Variants in CAST observed in about 807,000 individuals in gnomAD.
CAST encodes the protein calpastatin.
CAST carries 76 observed loss-of-function variants against 119.6 expected under a neutral mutation model. The observed-to-expected ratio is 0.64, with a 90% CI of 0.53 to 0.77. The LOEUF is 0.77. CAST is among the 30% of genes least tolerant of loss of function. The pLI, the probability that CAST is intolerant of heterozygous loss-of-function variation, is 0.00. For synonymous variants in CAST, 319 were observed against 331.6 expected, an observed-to-expected ratio of 0.96 and a Z score of 0.41; for missense variants, 953 against 946.5, an observed-to-expected ratio of 1.01 and a Z score of -0.09.
chr5:96,453,967 C>A, the CAST span, among the ~76,000 whole-genome samples: 1 of 152,232 alleles, frequency 6.6e-6, no homozygotes, highest in Admixed American at 6.5e-5. Context: ...TACAAGCTGG[C>A]CTTGGTTGGT....
At chr5:96,346,643 A>G in the CAST span, among the ~76,000 whole-genome samples, 1 of 152,172 alleles carries the variant, frequency 6.6e-6, no homozygotes, top group African/African-American at 2.4e-5. Context: ...CCCAAACCTC[A>G]TAATGTATCG....
intron 1 of CAST, among the ~76,000 whole-genome samples, chr5:96,552,700 A>G (rs1746157300): frequency 2.0e-5 from 3 of 152,180 alleles, no homozygotes; most frequent in Admixed American, 1.3e-4. Context: ...AGAATCAAAT[A>G]GACTCATTAA....
the CAST span, among the ~76,000 whole-genome samples, chr5:96,017,597 C>T: frequency 6.6e-6 from 1 of 152,092 alleles, no homozygotes; most frequent in Admixed American, 6.6e-5. Flanking sequence ...CATATAACAA[C>T]TGGTAGTTAT....
the CAST span, among the ~76,000 whole-genome samples, chr5:96,355,359 T>G: frequency 1.3e-5 from 2 of 152,228 alleles, no homozygotes; most frequent in African/African-American, 4.8e-5. Context: ...GGGGATGAAC[T>G]CATCCTTTTT....
At chr5:96,715,185 C>G (rs925235833) in intron 3 of CAST, 3 of 152,190 alleles carry the variant, frequency 2.0e-5, no homozygotes, top group African/African-American at 7.2e-5. Context: ...ACAGCCTACT[C>G]TGCCAAGCTG....
intron 1 of CAST, among the ~76,000 whole-genome samples, chr5:96,627,885 A>G (rs1320010044): frequency 6.6e-6 from 1 of 152,206 alleles, no homozygotes; most frequent in Non-Finnish European, 1.5e-5. Flanking sequence ...ACCTGCCTTT[A>G]TTTGCCATGC....
chr5:96,456,631 C>A, the CAST span, among the ~76,000 whole-genome samples: 1 of 152,224 alleles, frequency 6.6e-6, no homozygotes, highest in African/African-American at 2.4e-5. Context: ...TGAGTGCCTA[C>A]CCTGTACCAG....
At chr5:96,515,294 C>CT in the CAST span, among the ~76,000 whole-genome samples, 2,413 of 40,866 alleles carry the variant, frequency 0.059, 73 homozygotes, top group African/African-American at 0.15. Context: ...CAATATTGTT[C>CT]CCACAATGTT....
chr5:96,441,452 G>C, the CAST span, among the ~76,000 whole-genome samples: 28 of 152,166 alleles, frequency 1.8e-4, no homozygotes, highest in African/African-American at 4.8e-4. Context: ...AAGTGAAGTA[G>C]TTTATCCACG....
chr5:96,213,077 CCA>C, the CAST span, among the ~76,000 whole-genome samples: 1 of 152,060 alleles, frequency 6.6e-6, no homozygotes, highest in Non-Finnish European at 1.5e-5. Flanking sequence ...TATGATCATG[CCA>C]CTGCACTCCA....
At chr5:96,675,467 C>A in intron 1 of CAST, 72 bp from the exon 2 acceptor site, 2 of 1,070,666 alleles carry the variant, frequency 1.9e-6, no homozygotes, top group Non-Finnish European at 2.9e-6. Context: ...ATGCATTTAG[C>A]CTTTGGGGAT....
chr5:96,161,904 A>G, the CAST span, among the ~76,000 whole-genome samples: 3 of 152,024 alleles, frequency 2.0e-5, no homozygotes, highest in East Asian at 5.8e-4. Context: ...TCTTAATTTT[A>G]TTTTTCAATT....
At chr5:96,485,769 T>A in the CAST span, among the ~76,000 whole-genome samples, 1 of 152,104 alleles carries the variant, frequency 6.6e-6, no homozygotes, top group Non-Finnish European at 1.5e-5. Context: ...AATATATAAT[T>A]CTTCAGCTTC....
chr5:96,560,419 A>C (rs1438797671), intron 1 of CAST, among the ~76,000 whole-genome samples: 1 of 151,526 alleles, frequency 6.6e-6, no homozygotes, highest in African/African-American at 2.4e-5. Flanking sequence ...GTGAACAGGC[A>C]ACCTACAAAA....
At chr5:96,337,105 C>G in the CAST span, among the ~76,000 whole-genome samples, 27 of 152,028 alleles carry the variant, frequency 1.8e-4, no homozygotes, top group African/African-American at 6.3e-4. Context: ...TGAATTTAAC[C>G]CTGATATCAT....
chr5:96,076,284 C>A, the CAST span, among the ~76,000 whole-genome samples: 1 of 152,098 alleles, frequency 6.6e-6, no homozygotes, highest in Admixed American at 6.6e-5. Context: ...TTTTTTAGTA[C>A]CCCTACTCTA....
At chr5:96,672,382 G>A (rs1051674450) in intron 1 of CAST, among the ~76,000 whole-genome samples, 16 of 152,210 alleles carry the variant, frequency 1.1e-4, no homozygotes, top group Admixed American at 5.9e-4. Flanking sequence ...TTTTCTGTCC[G>A]TTGGAAATTT....
chr5:96,005,451 C>T, the CAST span, among the ~76,000 whole-genome samples: 1 of 151,844 alleles, frequency 6.6e-6, no homozygotes, highest in Non-Finnish European at 1.5e-5. Context: ...GATGAGATAT[C>T]CTAATACTGA....
the CAST span, among the ~76,000 whole-genome samples, chr5:96,282,258 T>C: frequency 6.6e-6 from 1 of 152,216 alleles, no homozygotes; most frequent in Non-Finnish European, 1.5e-5. Context: ...ACAGCTTCTC[T>C]GTCTCCAGCT....
Sources: allele counts gnomAD v4.1 joint callset (sites outside exome capture counted in the v4.1 genomes callset), GRCh38; gene constraint gnomAD v4.1.1; transcripts MANE v1.5; gene names NCBI Gene and HGNC (gene_info 2026-07-23, HGNC 2026-07-21).